Variants in GRM5 observed in about 807,000 individuals in gnomAD.
GRM5 encodes metabotropic glutamate receptor 5.
In GRM5, 19 loss-of-function variants were observed where a neutral mutation model predicts 83.1. The observed-to-expected ratio is 0.23, with a 90% confidence interval of 0.16 to 0.34. The LOEUF (loss-of-function observed/expected upper bound fraction) is 0.34. Ranked by LOEUF, GRM5 falls within the 10% of genes least tolerant of loss-of-function variation. The probability of loss-of-function intolerance (pLI) is 1.00; values close to 1 mark genes in which losing one functional copy is unlikely to be tolerated. For missense variants in GRM5, 1,160 were observed against 1,588.3 expected (o/e 0.73, Z 4.58); for synonymous variants, 675 against 633.6 (o/e 1.07, Z -0.98).
At chr11:88,988,102 A>G (rs1411209484) in intron 2 of GRM5, among the ~76,000 whole-genome samples, 2 of 148,904 alleles carry the variant, frequency 1.3e-5, no homozygotes, top group Admixed American at 6.7e-5. Flanking sequence ...AAAGAAGTTG[A>G]AAACTTTGAA....
intron 3 of GRM5, among the ~76,000 whole-genome samples, chr11:88,761,439 A>G (rs1165671775): frequency 6.6e-6 from 1 of 152,122 alleles, no homozygotes; most frequent in Non-Finnish European, 1.5e-5. Flanking sequence ...TCAGAAAGAC[A>G]TTCCCATTCA....
chr11:89,009,900 C>CAAAAAAAAAAAAA (rs758398638), intron 2 of GRM5, among the ~76,000 whole-genome samples: 2 of 21,688 alleles, frequency 9.2e-5, no homozygotes, highest in African/African-American at 2.3e-4. Context: ...GACTCCGTCT[C>CAAAAAAAAAAAAA]AAAAAAAAAA....
chr11:88,928,098 C>T (rs776391637), intron 2 of GRM5, among the ~76,000 whole-genome samples: 5 of 151,908 alleles, frequency 3.3e-5, no homozygotes, highest in African/African-American at 4.8e-5. Flanking sequence ...TTATGTGCAG[C>T]GTTTCACATG....
At chr11:88,831,821 G>A (rs1291494091) in intron 3 of GRM5, among the ~76,000 whole-genome samples, 1 of 152,138 alleles carries the variant, frequency 6.6e-6, no homozygotes, top group Non-Finnish European at 1.5e-5. Flanking sequence ...CCACTGCTCA[G>A]GGACCTGAGT....
At chr11:89,000,388 C>T (rs994731931) in intron 2 of GRM5, among the ~76,000 whole-genome samples, 4 of 151,986 alleles carry the variant, frequency 2.6e-5, no homozygotes, top group Non-Finnish European at 5.9e-5. Flanking sequence ...TGGAATGGAA[C>T]AAAAAACTCA....
chr11:88,965,168 C>G (rs188621523), intron 2 of GRM5, among the ~76,000 whole-genome samples: 2 of 152,258 alleles, frequency 1.3e-5, no homozygotes, highest in East Asian at 3.9e-4. Context: ...TCAGTTCAGG[C>G]TGCTTTTACA....
At chr11:88,645,949 T>C (rs1427172571) in intron 4 of GRM5, among the ~76,000 whole-genome samples, 2 of 152,142 alleles carry the variant, frequency 1.3e-5, no homozygotes, top group African/African-American at 4.8e-5. Context: ...GTGTATCATT[T>C]ACTTCAACTG....
intron 2 of GRM5, among the ~76,000 whole-genome samples, chr11:88,993,265 C>CA (rs71046275): frequency 0.46 from 47,041 of 102,630 alleles, 11,463 homozygotes; most frequent in African/African-American, 0.54. Context: ...GACTCTGTCT[C>CA]AAAAAAAAAA....
At position 88,508,690 on chromosome 11, in the gene GRM5, TG is replaced by T; in HGVS notation, c.3540del (p.Asn1181ThrfsTer22). The stretch of plus-strand genomic sequence containing the variant: ...AGGGCCGACTCGGACACTGGCGAGT[TG>T]GGGGTTGTGCTCCCCGAGTCCACCG... ...RDSVDSGSTT[P>X]NSPVSESALC... On this transcript the variant is annotated frameshift_variant, in exon 10 of 10. Transcript: ENST00000305447. LOFTEE classifies it high-confidence loss of function. This position sits in a 1 kb window ranked among gnomAD's most constrained non-coding sequence, Gnocchi z 4.2. 6.2e-7 allele frequency: 1 copy of T among 1,606,224 alleles called. No individual in the cohort carries two copies. Among genetic ancestry groups the T allele is most frequent in the Non-Finnish European group, 8.5e-7 (1 of 1,176,492 alleles).
intron 1 of GRM5, among the ~76,000 whole-genome samples, chr11:89,056,307 GT>G (rs1236945558): frequency 6.6e-6 from 1 of 152,108 alleles, no homozygotes; most frequent in Non-Finnish European, 1.5e-5. Context: ...TATTCTTTCT[GT>G]GAGGATCTAC....
chr11:88,893,834 C>G (rs1022824086), intron 2 of GRM5, among the ~76,000 whole-genome samples: 1 of 151,968 alleles, frequency 6.6e-6, no homozygotes, highest in Non-Finnish European at 1.5e-5. Context: ...TCCAACACCC[C>G]TTAACAGCAG....
At chr11:88,646,291 C>A (rs1255100922) in intron 4 of GRM5, among the ~76,000 whole-genome samples, 1 of 151,924 alleles carries the variant, frequency 6.6e-6, no homozygotes, top group African/African-American at 2.4e-5. Context: ...AAAAATTATA[C>A]TCTTAATACT....
intron 7 of GRM5, among the ~76,000 whole-genome samples, chr11:88,587,996 G>T (rs531604249): frequency 6.6e-5 from 10 of 151,974 alleles, no homozygotes; most frequent in Admixed American, 1.3e-4. Context: ...ACCTAGGCTG[G>T]GAAGAAACGA....
intron 2 of GRM5, among the ~76,000 whole-genome samples, chr11:88,896,396 T>C (rs771696114): frequency 2.0e-5 from 3 of 151,752 alleles, no homozygotes; most frequent in Non-Finnish European, 4.4e-5. Context: ...AATAAAACAA[T>C]AGCAAGTATC....
chr11:88,997,578 T>C (rs1472586417), intron 2 of GRM5, among the ~76,000 whole-genome samples: 1 of 151,634 alleles, frequency 6.6e-6, no homozygotes, highest in Non-Finnish European at 1.5e-5. Context: ...AGAGAGGACA[T>C]GAATTCATGA....
intron 4 of GRM5, among the ~76,000 whole-genome samples, chr11:88,644,284 T>C (rs1007368838): frequency 1.3e-5 from 2 of 152,250 alleles, no homozygotes; most frequent in East Asian, 3.9e-4. Flanking sequence ...AGTCCCTGCA[T>C]CCCACAAATT....
rs370467677 is a variant in GRM5, at chr11:88,990,765, A to C, written c.661+56447T>G. Among the ~76,000 whole-genome samples the C allele has an allele frequency of 3.5e-3, 530 of 151,836 alleles. 5 individuals are homozygous for C. Among genetic ancestry groups the C allele is most frequent in the African/African-American group, 0.012 (492 of 41,316 alleles). On this transcript the variant is annotated intron_variant, in intron 2 of 9. Transcript: ENST00000305447. ...AAACAGAGCCAAAGACAAAAACCAC[A>C]TGATTATCTCAATAGATGCAGAAAA...
chr11:88,987,936 T>C (rs1253919149), intron 2 of GRM5, among the ~76,000 whole-genome samples: 1 of 150,028 alleles, frequency 6.7e-6, no homozygotes, highest in Non-Finnish European at 1.5e-5. Context: ...AACTGGAAAC[T>C]CTAAAAAGCA....
At chr11:88,704,480 A>G (rs1285474374) in intron 3 of GRM5, among the ~76,000 whole-genome samples, 1 of 151,878 alleles carries the variant, frequency 6.6e-6, no homozygotes, top group Non-Finnish European at 1.5e-5. Context: ...CTGCCAAAGA[A>G]ACTCAAAGCC....
Sources: gnomAD v4.1 joint callset for allele counts (sites outside exome capture counted in the v4.1 genomes callset) on GRCh38, gnomAD v4.1.1 for gene constraint, Gnocchi (gnomAD v3.1) non-coding constraint, MANE v1.5 for transcripts, NCBI Gene and HGNC (gene_info 2026-07-23, HGNC 2026-07-21) for gene names.